The following CDKAL1 variants were observed in gnomAD, a reference collection of about 807,000 sequenced individuals.
CDKAL1 encodes CDKAL1 threonylcarbamoyladenosine tRNA methylthiotransferase.
Under a neutral mutation model 68.2 loss-of-function variants are expected in CDKAL1, and 32 were observed. The observed-to-expected ratio is 0.47, with a 90% CI of 0.35 to 0.63. The LOEUF (loss-of-function observed/expected upper bound fraction) is 0.63, where lower values mean the gene tolerates loss of function less well. Ranked by LOEUF, CDKAL1 falls within the 30% of genes least tolerant of loss-of-function variation. CDKAL1 has a pLI of 0.00. For synonymous variants in CDKAL1, 234 were observed against 244.3 expected (o/e 0.96, Z 0.39); for missense variants, 606 against 696.7 (o/e 0.87, Z 1.47).
chr6:20,534,735 A>G (rs976182716), intron 1 of CDKAL1, among the ~76,000 whole-genome samples, 161 bp downstream of exon 1: 3 of 152,130 alleles, frequency 2.0e-5, no homozygotes, highest in African/African-American at 7.2e-5. Flanking sequence ...TGGGAGGCAG[A>G]TGGGGCTTCC....
intron 4 of CDKAL1, among the ~76,000 whole-genome samples, chr6:20,647,703 A>G (rs1042273014): frequency 3.9e-5 from 6 of 152,148 alleles, no homozygotes; most frequent in African/African-American, 1.4e-4. Flanking sequence ...GGATACTAAC[A>G]GGAGGTAGGT....
At chr6:20,641,697 G>A (rs185623189) in intron 4 of CDKAL1, among the ~76,000 whole-genome samples, 9 of 152,272 alleles carry the variant, frequency 5.9e-5, no homozygotes, top group Middle Eastern at 6.8e-3. Flanking sequence ...TTCTAAACAG[G>A]CATGATATTT....
intron 9 of CDKAL1, among the ~76,000 whole-genome samples, chr6:20,862,199 A>T (rs560034185): frequency 6.6e-6 from 1 of 152,220 alleles, no homozygotes; most frequent in Non-Finnish European, 1.5e-5. Context: ...GTGCAGAGAA[A>T]GCTAAAAATC....
intron 15 of CDKAL1, among the ~76,000 whole-genome samples, chr6:21,221,587 T>G (rs1779541559): frequency 6.6e-6 from 1 of 152,196 alleles, no homozygotes; most frequent in Admixed American, 6.5e-5. Flanking sequence ...TAAGATTGTT[T>G]CCTTGCATTG....
At chr6:21,192,178 C>A (rs12528974) in intron 13 of CDKAL1, among the ~76,000 whole-genome samples, 1 of 148,204 alleles carries the variant, frequency 6.7e-6, no homozygotes, top group Non-Finnish European at 1.5e-5. Flanking sequence ...CCCACCACCG[C>A]GCCCGGCTAA....
At chr6:20,773,748 G>C (rs918669802) in intron 7 of CDKAL1, among the ~76,000 whole-genome samples, 1 of 151,964 alleles carries the variant, frequency 6.6e-6, no homozygotes. Flanking sequence ...GGGTTTCACC[G>C]TGTTAGCCAG....
chr6:21,179,725 T>C (rs2151084810), intron 13 of CDKAL1, among the ~76,000 whole-genome samples: 1 of 152,310 alleles, frequency 6.6e-6, no homozygotes, highest in South Asian at 2.1e-4. Context: ...CTTTGAATTT[T>C]AAAATGTTAA....
chr6:20,727,788 T>A (rs918217383), intron 5 of CDKAL1, among the ~76,000 whole-genome samples: 17 of 152,276 alleles, frequency 1.1e-4, no homozygotes, highest in African/African-American at 4.1e-4. Context: ...TATATTCTTG[T>A]CCCCTTCCAT....
rs1347854096 is a variant in CDKAL1 at position 20,798,752 on chromosome 6, G to A, written c.638+17487G>A. 4.2e-5 allele frequency among the ~76,000 whole-genome samples: 6 copies of A among 143,394 alleles called. No individual in the cohort carries two copies. In the Admixed American group the frequency reaches 4.2e-4, roughly 10 times the overall value. The allele number at this position is 143,394 out of a possible 152,430, so 94.1% of individuals were successfully genotyped here. A position where few individuals can be genotyped will look rare whatever the true frequency, so the allele number is the denominator to read the frequency against. On this transcript the variant is annotated intron_variant, in intron 8 of 15. Transcript: ENST00000274695. ...CACAGGATGGGGAACATCACACAACGGGGCCTGTAATGGGATGGGGGGAGG... is the reference window on the plus strand; with the variant it reads ...CACAGGATGGGGAACATCACACAACAGGGCCTGTAATGGGATGGGGGGAGG...
At chr6:20,612,697 C>G (rs1042450987) in intron 4 of CDKAL1, among the ~76,000 whole-genome samples, 1 of 151,906 alleles carries the variant, frequency 6.6e-6, no homozygotes, top group Non-Finnish European at 1.5e-5. Context: ...AGGTTGTCTC[C>G]TCACTTTGTT....
At chr6:21,213,680 G>C (rs914423635) in intron 15 of CDKAL1, among the ~76,000 whole-genome samples, 2 of 152,118 alleles carry the variant, frequency 1.3e-5, no homozygotes, top group African/African-American at 4.8e-5. Flanking sequence ...ATTCTTGTGG[G>C]AAGTGATTTC....
intron 11 of CDKAL1, among the ~76,000 whole-genome samples, chr6:21,030,743 G>C (rs997040973): frequency 6.6e-6 from 1 of 152,028 alleles, no homozygotes. Context: ...TTTGCAGAAG[G>C]GAATGCATGC....
intron 9 of CDKAL1, among the ~76,000 whole-genome samples, chr6:20,873,467 C>T (rs1315079867): frequency 6.6e-6 from 1 of 152,160 alleles, no homozygotes; most frequent in Non-Finnish European, 1.5e-5. Context: ...ATCACGATCA[C>T]ATAAGAACCT....
At chr6:20,846,531 T>G (rs1157331618) in intron 9 of CDKAL1, among the ~76,000 whole-genome samples, 1 of 152,210 alleles carries the variant, frequency 6.6e-6, no homozygotes, top group Non-Finnish European at 1.5e-5. Flanking sequence ...TACTCAGATT[T>G]TTCATCTCTT....
chr6:20,584,691 C>G (rs1765273650), intron 4 of CDKAL1, among the ~76,000 whole-genome samples: 1 of 152,200 alleles, frequency 6.6e-6, no homozygotes, highest in African/African-American at 2.4e-5. Context: ...AATAACTTCA[C>G]TTAGCTAGCT....
intron 8 of CDKAL1, among the ~76,000 whole-genome samples, chr6:20,801,373 G>A (rs770069434): frequency 1.3e-5 from 2 of 152,170 alleles, no homozygotes; most frequent in Non-Finnish European, 2.9e-5. Flanking sequence ...CAAATGGACA[G>A]CAAAGTCGAA....
At chr6:20,568,724 G>A (rs1764568542) in intron 4 of CDKAL1, among the ~76,000 whole-genome samples, 3 of 126,588 alleles carry the variant, frequency 2.4e-5, no homozygotes, top group African/African-American at 6.0e-5. Context: ...GACAGAGCGA[G>A]ACTCCGCCTC....
At chr6:21,202,396 T>TA (rs113704566) in intron 15 of CDKAL1, among the ~76,000 whole-genome samples, 10,288 of 146,750 alleles carry the variant, frequency 0.07, 376 homozygotes, top group Non-Finnish European at 0.077. Context: ...TGCTGTTTAT[T>TA]AAAAAAAAAA....
At chr6:20,571,516 CTCTG>C (rs1433012822) in intron 4 of CDKAL1, among the ~76,000 whole-genome samples, 1 of 151,986 alleles carries the variant, frequency 6.6e-6, no homozygotes, top group Non-Finnish European at 1.5e-5. Flanking sequence ...AATTTGGGGA[CTCTG>C]TCTGCTTTTA....
Sources: allele counts gnomAD v4.1 joint callset (sites outside exome capture counted in the v4.1 genomes callset), GRCh38; gene constraint gnomAD v4.1.1; transcripts MANE v1.5; gene names NCBI Gene and HGNC (gene_info 2026-07-23, HGNC 2026-07-21).